CAMK1D: variants seen among roughly 807,000 people sequenced by gnomAD.
CAMK1D encodes the protein calcium/calmodulin-dependent protein kinase type 1D.
CAMK1D carries 9 observed loss-of-function variants against 47.7 expected under a neutral mutation model. The ratio of observed to expected loss-of-function variants is 0.19; its 90% CI spans 0.11 to 0.33. The LOEUF (loss-of-function observed/expected upper bound fraction) is 0.33, where lower values mean the gene tolerates loss of function less well. Ranked by LOEUF, CAMK1D falls within the 10% of genes least tolerant of loss-of-function variation. The pLI, the probability that CAMK1D is intolerant of heterozygous loss-of-function variation, is 1.00. For missense variants in CAMK1D, 291 were observed against 488.7 expected, an observed-to-expected ratio of 0.60 and a Z score of 3.81; for synonymous variants, 184 against 184.9, an observed-to-expected ratio of 0.99 and a Z score of 0.04.
At chr10:12,593,724 C>T (rs1353399987) in intron 2 of CAMK1D, among the ~76,000 whole-genome samples, 1 of 152,108 alleles carries the variant, frequency 6.6e-6, no homozygotes, top group African/African-American at 2.4e-5. Flanking sequence ...AAAATACCAT[C>T]CCCCGTGGCC....
chr10:12,622,681 C>T (rs1839035833), intron 2 of CAMK1D, among the ~76,000 whole-genome samples: 1 of 152,136 alleles, frequency 6.6e-6, no homozygotes, highest in Non-Finnish European at 1.5e-5. Flanking sequence ...AATCCATGTG[C>T]TCTTGGTCTC....
At position 12,670,839 on chromosome 10, in the gene CAMK1D, G is replaced by A. The variant is rs181517304; in HGVS notation, c.299+4029G>A. ...GCTGGGATTACAGGTGTGAGCCACC[G>A]TGCCCAGCCCGAAATGTTTTTTGTT... On this transcript the variant is annotated intron_variant, in intron 3 of 10. Coordinates refer to ENST00000619168, the MANE Select transcript of CAMK1D (RefSeq NM_153498.4). Among the ~76,000 whole-genome samples the A allele has an allele frequency of 5.3e-5, 8 of 152,190 alleles. No homozygotes were observed. The South Asian group carries it at 6.2e-4, about 12-fold the overall frequency.
intron 1 of CAMK1D, among the ~76,000 whole-genome samples, chr10:12,427,700 G>GTTTTTTGTTTTTTTTTT (rs1840284197): frequency 3.2e-4 from 10 of 31,032 alleles, no homozygotes; most frequent in Non-Finnish European, 4.3e-4. Flanking sequence ...TGAACTTACT[G>GTTTTTTGTTTTTTTTTT]TTTTTTTTTT....
At chr10:12,639,249 G>T (rs1251407065) in intron 2 of CAMK1D, among the ~76,000 whole-genome samples, 2 of 152,222 alleles carry the variant, frequency 1.3e-5, no homozygotes, top group East Asian at 1.9e-4. Flanking sequence ...TCTTTGGGAG[G>T]CCAAAGCGGG....
intron 3 of CAMK1D, among the ~76,000 whole-genome samples, chr10:12,749,004 G>A (rs972154064): frequency 6.6e-6 from 1 of 152,166 alleles, no homozygotes; most frequent in African/African-American, 2.4e-5. Flanking sequence ...ACTAATGAGT[G>A]TTTCTACAAT....
chr10:12,707,843 T>A (rs981513669), intron 3 of CAMK1D, among the ~76,000 whole-genome samples: 1 of 152,184 alleles, frequency 6.6e-6, no homozygotes, highest in African/African-American at 2.4e-5. Flanking sequence ...TTCATAGCTG[T>A]GAAATTAGCC....
intron 1 of CAMK1D, among the ~76,000 whole-genome samples, chr10:12,367,947 C>G (rs1264603288): frequency 2.0e-5 from 3 of 152,156 alleles, no homozygotes; most frequent in Admixed American, 6.5e-5. Context: ...AATCCCAGCA[C>G]TTTGGGAGGC....
chr10:12,582,465 G>A (rs1564426480), intron 2 of CAMK1D, among the ~76,000 whole-genome samples: 1 of 152,128 alleles, frequency 6.6e-6, no homozygotes, highest in Non-Finnish European at 1.5e-5. Flanking sequence ...GCTTTTGGCA[G>A]TATGATCATT....
chr10:12,553,633 A>G (rs1265276149), intron 2 of CAMK1D, among the ~76,000 whole-genome samples: 1 of 152,172 alleles, frequency 6.6e-6, no homozygotes, highest in African/African-American at 2.4e-5. Flanking sequence ...ACCATATCCG[A>G]GTGACCGTGG....
intron 1 of CAMK1D, among the ~76,000 whole-genome samples, chr10:12,523,756 C>T (rs935135666): frequency 3.9e-5 from 6 of 151,924 alleles, no homozygotes; most frequent in African/African-American, 7.2e-5. Context: ...AGAGGGAGAC[C>T]GTGGGGAGAG....
At chr10:12,567,217 A>G (rs1369382095) in intron 2 of CAMK1D, among the ~76,000 whole-genome samples, 1 of 152,232 alleles carries the variant, frequency 6.6e-6, no homozygotes, top group Non-Finnish European at 1.5e-5. Flanking sequence ...TAATCCAGAA[A>G]GACCTTTTCC....
intron 1 of CAMK1D, among the ~76,000 whole-genome samples, chr10:12,484,436 G>A (rs189117131): frequency 2.4e-4 from 37 of 152,314 alleles, no homozygotes; most frequent in African/African-American, 6.0e-4. Flanking sequence ...TCACACAATC[G>A]TTCTTCTGCC....
intron 2 of CAMK1D, among the ~76,000 whole-genome samples, chr10:12,610,059 G>A (rs1040769952): frequency 2.6e-5 from 4 of 152,144 alleles, no homozygotes; most frequent in Admixed American, 1.3e-4. Context: ...GGGCAGTGTT[G>A]GGAGGAAGAA....
intron 1 of CAMK1D, among the ~76,000 whole-genome samples, chr10:12,463,133 T>G (rs1375954140): frequency 1.3e-5 from 2 of 151,572 alleles, no homozygotes; most frequent in Non-Finnish European, 2.9e-5. Context: ...TCTAAGAGTT[T>G]TTTTTTTTTT....
chr10:12,702,503 A>T (rs2399862), intron 3 of CAMK1D, among the ~76,000 whole-genome samples: 1 of 152,164 alleles, frequency 6.6e-6, no homozygotes, highest in Non-Finnish European at 1.5e-5. Context: ...TGAACAAACA[A>T]TGATGCAAAA....
chr10:12,571,854 C>T (rs971199119), intron 2 of CAMK1D, among the ~76,000 whole-genome samples: 12 of 152,006 alleles, frequency 7.9e-5, no homozygotes, highest in African/African-American at 2.9e-4. Flanking sequence ...ACTATTTTCA[C>T]AAGAGGAAAG....
rs1484394997 is a variant in CAMK1D at position 12,692,013 on chromosome 10, T to C, written c.299+25203T>C. ...TCTGACCTTCCTGTCTAGCCCACTT[T>C]GGCTTTTATGACTGACAGAGTTTAA... is the stretch of plus-strand genomic sequence containing the variant. On this transcript the variant is annotated intron_variant, in intron 3 of 10. Coordinates refer to ENST00000619168, the MANE Select transcript of CAMK1D (RefSeq NM_153498.4). Among the ~76,000 whole-genome samples the C allele has an allele frequency of 8.5e-5, 13 of 152,368 alleles. No homozygotes were observed. The East Asian group carries it at 2.1e-3, about 25-fold the overall frequency.
intron 5 of CAMK1D, among the ~76,000 whole-genome samples, chr10:12,782,236 C>T (rs1837532412): frequency 6.6e-6 from 1 of 152,180 alleles, no homozygotes; most frequent in Admixed American, 6.5e-5. Flanking sequence ...CTGGGTGAAG[C>T]AGCAGCTGTT....
At chr10:12,612,352 T>C (rs2132414625) in intron 2 of CAMK1D, among the ~76,000 whole-genome samples, 1 of 150,922 alleles carries the variant, frequency 6.6e-6, no homozygotes, top group Non-Finnish European at 1.5e-5. Context: ...TTTTTTTTTT[T>C]TTTTTTTGAG....
Sources: allele counts gnomAD v4.1 joint callset (sites outside exome capture counted in the v4.1 genomes callset), GRCh38; gene constraint gnomAD v4.1.1; transcripts MANE v1.5; gene names NCBI Gene and HGNC (gene_info 2026-07-23, HGNC 2026-07-21).